COLQ: variants seen among roughly 807,000 people sequenced by gnomAD.
COLQ encodes the protein collagen like tail subunit of asymmetric acetylcholinesterase.
COLQ carries 48 observed loss-of-function variants against 69.0 expected under a neutral mutation model. The ratio of observed to expected loss-of-function variants is 0.70; its 90% CI spans 0.55 to 0.88. COLQ has a LOEUF of 0.88. Among genes scored for constraint, COLQ ranks in the 40% least tolerant of loss-of-function variants. The pLI, the probability that COLQ is intolerant of heterozygous loss-of-function variation, is 0.00. For missense variants in COLQ, 618 were observed against 594.6 expected, an observed-to-expected ratio of 1.04 and a Z score of -0.41; for synonymous variants, 217 against 211.2, an observed-to-expected ratio of 1.03 and a Z score of -0.24.
At chr3:15,470,791 A>G in intron 10 of COLQ, 175 bp from the exon 11 acceptor site, 3 of 698,818 alleles carry the variant, frequency 4.3e-6, no homozygotes, top group Non-Finnish European at 7.9e-6. Context: ...AAAGGCAGAC[A>G]TGTCTTTCAT....
chr3:15,488,342 G>C (rs1203032430), intron 2 of COLQ, 35 bp from the exon 3 acceptor site: 2 of 1,576,674 alleles, frequency 1.3e-6, no homozygotes, highest in Non-Finnish European at 1.7e-6. Context: ...TAGAGGTCAG[G>C]CGTAGGGGAC....
intron 3 of COLQ, among the ~76,000 whole-genome samples, chr3:15,480,841 CTGT>C (rs1490089479): frequency 4.6e-5 from 7 of 152,226 alleles, no homozygotes; most frequent in Non-Finnish European, 1.0e-4. Context: ...TCTCCAGCAC[CTGT>C]TGTTTCCTGA....
intron 12 of COLQ, among the ~76,000 whole-genome samples, chr3:15,458,907 G>A (rs1048529077): frequency 7.3e-5 from 11 of 150,900 alleles, no homozygotes; most frequent in African/African-American, 1.7e-4. Context: ...GCAGTGGCAC[G>A]ATCTTGGCTC....
intron 1 of COLQ, among the ~76,000 whole-genome samples, chr3:15,504,855 G>A (rs1049424753): frequency 7.2e-5 from 11 of 152,120 alleles, no homozygotes; most frequent in African/African-American, 1.2e-4. Flanking sequence ...GCGAGACTCC[G>A]TCTCAAAAAA....
chr3:15,469,634 G>C (rs921519938), intron 11 of COLQ, among the ~76,000 whole-genome samples: 1 of 152,134 alleles, frequency 6.6e-6, no homozygotes, highest in African/African-American at 2.4e-5. Flanking sequence ...TCTGAAACCT[G>C]GCTGCACATT....
At chr3:15,456,223 C>T (rs924638382) in intron 14 of COLQ, among the ~76,000 whole-genome samples, 12 of 152,102 alleles carry the variant, frequency 7.9e-5, no homozygotes, top group South Asian at 4.1e-4. Context: ...CAACCTGGCA[C>T]GCAGGGATGT....
intron 14 of COLQ, 40 bp from the exon 15 acceptor site, chr3:15,456,059 T>C (rs1047967788): frequency 4.3e-6 from 7 of 1,612,806 alleles, no homozygotes; most frequent in Non-Finnish European, 5.9e-6. Flanking sequence ...GAGCATGGCA[T>C]ACCCAGGCAG....
intron 1 of COLQ, among the ~76,000 whole-genome samples, chr3:15,491,971 T>C (rs1236197555): frequency 2.6e-5 from 4 of 151,898 alleles, no homozygotes; most frequent in Non-Finnish European, 5.9e-5. Context: ...GGCAGAAGAA[T>C]TGCTTGAACC....
intron 5 of COLQ, chr3:15,478,497 A>C: frequency 4.8e-6 from 1 of 207,426 alleles, no homozygotes; most frequent in Non-Finnish European, 9.9e-6. Context: ...CCTTGATAAC[A>C]TGTGTTTGGT....
In COLQ at chr3:15,455,918, A is replaced by T; in HGVS notation, c.1176T>A (p.Asp392Glu). 1 of 1,613,998 alleles carries T rather than the reference A, an allele frequency of 6.2e-7. No individual in the cohort carries two copies. The highest frequency in any genetic ancestry group is 8.5e-7 in the Non-Finnish European group (1 of 1,179,952). ...PGEECDDGNS[D>E]VGDDCIRCHR... ...ACTCACGGATGCAGTCGTCACCCACATCGCTGTTACCGTCGTCACACTCCT... is the reference window on the plus strand; with the variant it reads ...ACTCACGGATGCAGTCGTCACCCACTTCGCTGTTACCGTCGTCACACTCCT... Residue 392 changes from aspartate to glutamate, a missense_variant, in exon 15 of 17, where the codon GAT becomes GAA. Transcript: ENST00000383788.
At chr3:15,498,478 C>CACACACAT (rs2125157790) in intron 1 of COLQ, 1 of 1,546,182 alleles carries the variant, frequency 6.5e-7, no homozygotes, top group African/African-American at 1.4e-5. Context: ...TCCACACACA[C>CACACACAT]ACACACACGT....
chr3:15,475,045 G>T, intron 7 of COLQ, 94 bp from the exon 8 acceptor site: 1 of 1,341,100 alleles, frequency 7.5e-7, no homozygotes, highest in Non-Finnish European at 1.1e-6. Context: ...TGGTGGTAAG[G>T]TATGTCTCCA....
intron 1 of COLQ, among the ~76,000 whole-genome samples, chr3:15,518,409 G>A (rs2063090881): frequency 6.6e-6 from 1 of 152,174 alleles, no homozygotes; most frequent in African/African-American, 2.4e-5. Flanking sequence ...GACTATCTAT[G>A]TCTATTAGAG....
intron 6 of COLQ, among the ~76,000 whole-genome samples, chr3:15,475,882 G>C (rs1361892271): frequency 6.6e-6 from 1 of 152,128 alleles, no homozygotes; most frequent in Non-Finnish European, 1.5e-5. Context: ...CTTTGCATAG[G>C]AAGGGTCCTC....
chr3:15,453,187 G>A (rs1211642701), intron 16 of COLQ, among the ~76,000 whole-genome samples: 1 of 152,226 alleles, frequency 6.6e-6, no homozygotes, highest in African/African-American at 2.4e-5. Flanking sequence ...ATGGGGCGGT[G>A]GCCCTCAGTT....
chr3:15,451,771 G>A (rs1282049676), intron 16 of COLQ, 58 bp from the exon 17 acceptor site: 1 of 1,482,546 alleles, frequency 6.7e-7, no homozygotes, highest in African/African-American at 1.4e-5. Context: ...GTGACTTCCG[G>A]TCAAACCTTA....
intron 12 of COLQ, among the ~76,000 whole-genome samples, chr3:15,463,179 C>T (rs2062146630): frequency 6.6e-6 from 1 of 152,156 alleles, no homozygotes; most frequent in Admixed American, 6.5e-5. Flanking sequence ...CCAGACAAGT[C>T]AGGTGAGGGC....
At chr3:15,470,796 T>TGCC in intron 10 of COLQ, 180 bp from the exon 11 acceptor site, 1 of 695,870 alleles carries the variant, frequency 1.4e-6, no homozygotes, top group Non-Finnish European at 2.7e-6. Flanking sequence ...CAGACATGTC[T>TGCC]TTCATGGAAG....
At chr3:15,454,651 GTTTTT>G (rs56053367) in intron 15 of COLQ, among the ~76,000 whole-genome samples, 4 of 118,142 alleles carry the variant, frequency 3.4e-5, no homozygotes, top group African/African-American at 1.4e-4. Context: ...CCCCTGAACT[GTTTTT>G]TTTTTTTTTT....
Sources: gnomAD v4.1 joint callset for allele counts (sites outside exome capture counted in the v4.1 genomes callset) on GRCh38, gnomAD v4.1.1 for gene constraint, MANE v1.5 for transcripts, NCBI Gene and HGNC (gene_info 2026-07-23, HGNC 2026-07-21) for gene names.